The following CLTCL1 variants were observed in gnomAD, a reference collection of about 807,000 sequenced individuals.
The protein encoded by CLTCL1 is clathrin heavy chain like 1.
In CLTCL1, 159 loss-of-function variants were observed where a neutral mutation model predicts 190.0. That is an observed-to-expected ratio of 0.84 (90% CI 0.74 to 0.95). The LOEUF (loss-of-function observed/expected upper bound fraction) is 0.95. Ranked by LOEUF, CLTCL1 falls within the 40% of genes least tolerant of loss-of-function variation. CLTCL1 has a pLI of 0.00. For missense variants in CLTCL1, 1,878 were observed against 2,033.4 expected (o/e 0.92, Z 1.47); for synonymous variants, 752 against 769.6 (o/e 0.98, Z 0.38).
At chr22:19,257,867 C>T (rs782414288) in intron 2 of CLTCL1, 3 of 1,405,136 alleles carry the variant, frequency 2.1e-6, no homozygotes, top group South Asian at 2.2e-5. Flanking sequence ...ACCGGGAGCA[C>T]CTGGAGAAGA....
chr22:19,238,610 G>A (rs1164972878), intron 5 of CLTCL1: 2 of 205,520 alleles, frequency 9.7e-6, no homozygotes, highest in Non-Finnish European at 1.0e-5. Context: ...CTCATAGCAC[G>A]AACTCCTCGA....
Position 19,181,472 on chromosome 22 carries a change from G to A in CLTCL1, c.4828-666C>T, listed in dbSNP as rs557509061. ...AGAGAAATAAGAATGTGCCCCCCAT[G>A]AGCTGGGGTCTGGGGGGGGCTGAGA... On this transcript the variant is annotated intron_variant, in intron 30 of 32. Coordinates refer to ENST00000427926, the MANE Select transcript of CLTCL1 (RefSeq NM_007098.4). The A allele has an allele frequency of 2.0e-5, 3 of 152,614 alleles. 1 individual carries two copies. Among genetic ancestry groups the A allele is most frequent in the African/African-American group, 7.2e-5 (3 of 41,530 alleles). The allele number at this position is 152,614 out of a possible 1,614,324, so 9.5% of individuals were successfully genotyped here.
chr22:19,252,946 A>AGAGCTTGCAGTGAGCC (rs1296568826), intron 3 of CLTCL1, among the ~76,000 whole-genome samples: 1 of 150,612 alleles, frequency 6.6e-6, no homozygotes, highest in Non-Finnish European at 1.5e-5. Context: ...CCCAGGAGGC[A>AGAGCTTGCAGTGAGCC]GAGCTTGCAG....
At chr22:19,249,394 T>A (rs1255283382) in intron 3 of CLTCL1, among the ~76,000 whole-genome samples, 1 of 151,694 alleles carries the variant, frequency 6.6e-6, no homozygotes, top group Admixed American at 6.6e-5. Context: ...GAAATTAAAA[T>A]TAATGAATTT....
chr22:19,226,403 G>GTGAGAAGCCC lies in CLTCL1; in HGVS notation c.1783-30_1783-21dup. 1 of 1,613,654 alleles carries GTGAGAAGCCC rather than the reference G, an allele frequency of 6.2e-7. No homozygotes were observed. On this transcript the variant is annotated intron_variant, in intron 11 of 32. Coordinates refer to ENST00000427926, the MANE Select transcript of CLTCL1 (RefSeq NM_007098.4). ...TGCAACCTATGAAACAGGGAGTTCG[G>GTGAGAAGCCC]TGAGAAGCCCTGATCAATGGCAATA...
chr22:19,256,637 C>T (rs746610097), intron 2 of CLTCL1, among the ~76,000 whole-genome samples: 2 of 151,332 alleles, frequency 1.3e-5, no homozygotes, highest in African/African-American at 2.4e-5. Flanking sequence ...GGATTATAGG[C>T]GCGAGCCACC....
Position 19,213,680 on chromosome 22 carries a change from C to T in CLTCL1, c.3065+2431G>A, listed in dbSNP as rs987902335. Among the ~76,000 whole-genome samples the T allele has an allele frequency of 9.9e-5, 15 of 152,172 alleles. 1 individual carries two copies. The highest frequency in any genetic ancestry group is 2.9e-5 in the Non-Finnish European group (2 of 68,040). On this transcript the variant is annotated intron_variant, in intron 19 of 32. Coordinates refer to ENST00000427926, the MANE Select transcript of CLTCL1 (RefSeq NM_007098.4). ...CACGCTGGGTGAAAGAAGCCTGTCA[C>T]AGAGGAGTCTATACCACGTGACTCC...
intron 1 of CLTCL1, among the ~76,000 whole-genome samples, chr22:19,288,092 A>G (rs2087972652): frequency 6.6e-6 from 1 of 152,200 alleles, no homozygotes; most frequent in East Asian, 1.9e-4. Flanking sequence ...TCCTCTGCCC[A>G]GCATATCCAC....
intron 18 of CLTCL1, among the ~76,000 whole-genome samples, chr22:19,217,681 C>G (rs1189577187): frequency 7.1e-6 from 1 of 141,704 alleles, no homozygotes; most frequent in Non-Finnish European, 1.5e-5. Flanking sequence ...AACCCCATCT[C>G]TACTAAAAAT....
At chr22:19,219,346 A>AGTGT (rs1555951124) in intron 18 of CLTCL1, among the ~76,000 whole-genome samples, 6 of 144,956 alleles carry the variant, frequency 4.1e-5, no homozygotes, top group African/African-American at 1.6e-4. Context: ...TGCGCCACAC[A>AGTGT]GTGTGTTTTC....
intron 29 of CLTCL1, 99 bp from the exon 30 acceptor site, chr22:19,183,710 C>A: frequency 8.7e-7 from 1 of 1,147,976 alleles, no homozygotes; most frequent in Non-Finnish European, 1.3e-6. Context: ...TAGACTCCAC[C>A]AAGGACTTCC....
chr22:19,262,378 G>A (rs1601683900), intron 2 of CLTCL1, among the ~76,000 whole-genome samples: 1 of 150,246 alleles, frequency 6.7e-6, no homozygotes, highest in Non-Finnish European at 1.5e-5. Context: ...CATGCCTGTA[G>A]TCCCAGCACT....
intron 2 of CLTCL1, among the ~76,000 whole-genome samples, chr22:19,264,336 A>G (rs1178732657): frequency 6.6e-6 from 1 of 152,154 alleles, no homozygotes; most frequent in Non-Finnish European, 1.5e-5. Flanking sequence ...AACCCTGTGC[A>G]CTACTGAGAA....
chr22:19,196,252 G>A lies in CLTCL1; in HGVS notation c.4191+14C>T. On this transcript the variant is annotated intron_variant, in intron 26 of 32. Coordinates refer to ENST00000427926, the MANE Select transcript of CLTCL1 (RefSeq NM_007098.4). ...AGAGGCTGGCAGGAGCCAGCGCTCT[G>A]TATCCCCTCTTACCTTGGTAATGAT... is the stretch of plus-strand genomic sequence containing the variant. 22 of 1,610,470 alleles carry A rather than the reference G, an allele frequency of 1.4e-5. No homozygotes were observed. Among genetic ancestry groups the A allele is most frequent in the Non-Finnish European group, 1.9e-5 (22 of 1,179,496 alleles).
At chr22:19,285,228 T>C (rs774934493) in intron 1 of CLTCL1, among the ~76,000 whole-genome samples, 2 of 151,776 alleles carry the variant, frequency 1.3e-5, no homozygotes, top group South Asian at 2.1e-4. Context: ...TGAGCCGAGA[T>C]TGTGCCACTG....
At chr22:19,261,581 G>T (rs1234485765) in intron 2 of CLTCL1, among the ~76,000 whole-genome samples, 1 of 152,226 alleles carries the variant, frequency 6.6e-6, no homozygotes. Flanking sequence ...GAATTTGGAA[G>T]AAGTGTATTC....
chr22:19,272,767 C>T lies in CLTCL1; in HGVS notation c.250+2856G>A, dbSNP rs529799500. Reference sequence around the variant, plus strand: ...GATTACAGGCGTGAGCCACCACGCCCGGCCTTAATTTAATTTAATATTATT... The same window carrying T: ...GATTACAGGCGTGAGCCACCACGCCTGGCCTTAATTTAATTTAATATTATT... On this transcript the variant is annotated intron_variant, in intron 2 of 32. Transcript: ENST00000427926. 5.3e-5 allele frequency among the ~76,000 whole-genome samples: 8 copies of T among 152,166 alleles called. No homozygotes were observed. The East Asian group carries it at 9.7e-4, about 18-fold the overall frequency.
intron 1 of CLTCL1, among the ~76,000 whole-genome samples, chr22:19,282,642 GA>G (rs1192693597): frequency 1.3e-5 from 2 of 149,672 alleles, no homozygotes; most frequent in East Asian, 3.9e-4. Context: ...AAAAAAAAAA[GA>G]AAAAGAAAAA....
intron 29 of CLTCL1, among the ~76,000 whole-genome samples, 163 bp downstream of exon 29, chr22:19,187,395 A>G (rs1284697823): frequency 3.9e-5 from 6 of 152,140 alleles, no homozygotes; most frequent in African/African-American, 1.4e-4. Context: ...TATGTTCTAA[A>G]TATGGTCTCC....
Sources: allele counts gnomAD v4.1 joint callset (sites outside exome capture counted in the v4.1 genomes callset), GRCh38; gene constraint gnomAD v4.1.1; transcripts MANE v1.5; gene names NCBI Gene and HGNC (gene_info 2026-07-23, HGNC 2026-07-21).